The following CTNND2 variants were observed in gnomAD, a reference collection of about 807,000 sequenced individuals.
CTNND2 encodes catenin delta-2.
Under a neutral mutation model 144.4 loss-of-function variants are expected in CTNND2, and 22 were observed. The ratio of observed to expected loss-of-function variants is 0.15; its 90% CI spans 0.11 to 0.22. The LOEUF (loss-of-function observed/expected upper bound fraction) is 0.22, where lower values mean the gene tolerates loss of function less well. Ranked by LOEUF, CTNND2 falls within the 10% of genes least tolerant of loss-of-function variation. CTNND2 has a pLI of 1.00. For synonymous variants in CTNND2, 751 were observed against 695.6 expected, an observed-to-expected ratio of 1.08 and a Z score of -1.25; for missense variants, 1,353 against 1,618.8, an observed-to-expected ratio of 0.84 and a Z score of 2.82.
At chr5:11,249,185 C>G (rs1397089230) in intron 9 of CTNND2, among the ~76,000 whole-genome samples, 1 of 151,966 alleles carries the variant, frequency 6.6e-6, no homozygotes, top group Non-Finnish European at 1.5e-5. Context: ...GGGTTCATTT[C>G]CTGATAGGCC....
intron 11 of CTNND2, among the ~76,000 whole-genome samples, chr5:11,192,077 A>G (rs1459071378): frequency 6.6e-6 from 1 of 152,200 alleles, no homozygotes; most frequent in Non-Finnish European, 1.5e-5. Flanking sequence ...TCAAACCATG[A>G]TGCACCTGGA....
chr5:10,988,280 C>T lies in CTNND2; in HGVS notation c.3212-38G>A. ...ATCAAAAGGGGGATTTTCTGCATCTCATCCCACAGCGTGTGTGCCTTCCAC... is the reference window on the plus strand; with the variant it reads ...ATCAAAAGGGGGATTTTCTGCATCTTATCCCACAGCGTGTGTGCCTTCCAC... On this transcript the variant is annotated intron_variant, in intron 19 of 21. Coordinates refer to ENST00000304623, the MANE Select transcript of CTNND2 (RefSeq NM_001332.4). The surrounding 1 kb of genome is among the most constrained non-coding windows in gnomAD (Gnocchi z 5.9). 2 of 1,612,310 alleles carry T rather than the reference C, an allele frequency of 1.2e-6. No individual in the cohort carries two copies. The highest frequency in any genetic ancestry group is 8.5e-7 in the Non-Finnish European group (1 of 1,178,994).
At chr5:11,136,727 A>G (rs1358056369) in intron 12 of CTNND2, among the ~76,000 whole-genome samples, 3 of 152,212 alleles carry the variant, frequency 2.0e-5, no homozygotes, top group Non-Finnish European at 4.4e-5. Flanking sequence ...CATCTTCTCT[A>G]CCTTCTAGGG....
intron 1 of CTNND2, among the ~76,000 whole-genome samples, chr5:11,872,246 G>C (rs1735197943): frequency 6.6e-6 from 1 of 152,162 alleles, no homozygotes; most frequent in Non-Finnish European, 1.5e-5. Context: ...GTATTCCATG[G>C]TGTATACGTG....
At chr5:11,571,723 AC>A (rs898113778) in intron 2 of CTNND2, among the ~76,000 whole-genome samples, 1 of 151,782 alleles carries the variant, frequency 6.6e-6, no homozygotes, top group African/African-American at 2.4e-5. Flanking sequence ...GATTTAACTC[AC>A]CCCCCTGCTT....
intron 1 of CTNND2, among the ~76,000 whole-genome samples, chr5:11,801,704 G>A (rs528783842): frequency 1.5e-4 from 23 of 151,996 alleles, no homozygotes; most frequent in Non-Finnish European, 3.2e-4. Context: ...TTTACTCTAT[G>A]AGCATAAATA....
intron 3 of CTNND2, among the ~76,000 whole-genome samples, chr5:11,525,914 G>C (rs550371338): frequency 1.2e-4 from 18 of 152,116 alleles, no homozygotes; most frequent in African/African-American, 4.1e-4. Flanking sequence ...TTTTTTGTTT[G>C]TTCGTTTTGA....
chr5:11,839,463 G>A (rs539770106), intron 1 of CTNND2, among the ~76,000 whole-genome samples: 5 of 152,060 alleles, frequency 3.3e-5, no homozygotes, highest in African/African-American at 1.2e-4. Context: ...AACTATTGCT[G>A]TCTATCATGG....
chr5:11,362,265 C>A (rs769733976), intron 8 of CTNND2, among the ~76,000 whole-genome samples: 15 of 152,122 alleles, frequency 9.9e-5, no homozygotes, highest in Non-Finnish European at 2.2e-4. Context: ...TTGTAATCTC[C>A]ATTTTTATGG....
At chr5:11,608,057 T>A (rs1040168912) in intron 2 of CTNND2, among the ~76,000 whole-genome samples, 1 of 152,140 alleles carries the variant, frequency 6.6e-6, no homozygotes, top group Non-Finnish European at 1.5e-5. Flanking sequence ...CTGTGATGAT[T>A]AATACTGTCA....
At chr5:11,794,450 G>A (rs1336465273) in intron 1 of CTNND2, among the ~76,000 whole-genome samples, 2 of 152,150 alleles carry the variant, frequency 1.3e-5, no homozygotes, top group African/African-American at 2.4e-5. Context: ...AGATCAGAGC[G>A]GCCTTAGATC....
chr5:11,899,338 CTAATA>C, intron 1 of CTNND2, among the ~76,000 whole-genome samples: 1 of 152,202 alleles, frequency 6.6e-6, no homozygotes, highest in East Asian at 1.9e-4. Context: ...AATCAGGTGA[CTAATA>C]TAACACTAAT....
intron 6 of CTNND2, among the ~76,000 whole-genome samples, chr5:11,388,821 T>C (rs997341669): frequency 3.3e-5 from 5 of 152,238 alleles, no homozygotes; most frequent in Non-Finnish European, 5.9e-5. Flanking sequence ...ACATACAGAA[T>C]TGTATTCACT....
chr5:11,498,511 C>T (rs1008711524), intron 3 of CTNND2, among the ~76,000 whole-genome samples: 2 of 152,094 alleles, frequency 1.3e-5, no homozygotes, highest in Non-Finnish European at 2.9e-5. Flanking sequence ...CAATGTTCTG[C>T]AAAATTATTT....
chr5:11,143,944 C>T (rs531965109), intron 12 of CTNND2, among the ~76,000 whole-genome samples: 199 of 150,086 alleles, frequency 1.3e-3, no homozygotes, highest in Middle Eastern at 3.4e-3. Flanking sequence ...GGGGCTTGTC[C>T]CCAGGTCTGC....
chr5:11,726,832 A>C (rs915421921), intron 2 of CTNND2, among the ~76,000 whole-genome samples: 1 of 152,236 alleles, frequency 6.6e-6, no homozygotes, highest in African/African-American at 2.4e-5. Context: ...CAAATGAGTT[A>C]ATTCTTGGAA....
chr5:11,454,600 CTT>C (rs574100913), intron 3 of CTNND2, among the ~76,000 whole-genome samples: 4 of 145,156 alleles, frequency 2.8e-5, no homozygotes, highest in South Asian at 4.4e-4. Flanking sequence ...GTTTTTTTTC[CTT>C]TTTTTTTTTG....
chr5:11,081,178 G>A (rs1190010090), intron 16 of CTNND2, among the ~76,000 whole-genome samples: 5 of 152,090 alleles, frequency 3.3e-5, no homozygotes, highest in Non-Finnish European at 7.3e-5. Flanking sequence ...CTGAAGGTAA[G>A]AGGAATGGGG....
chr5:11,718,176 G>T (rs948024953), intron 2 of CTNND2, among the ~76,000 whole-genome samples: 1 of 152,068 alleles, frequency 6.6e-6, no homozygotes, highest in Non-Finnish European at 1.5e-5. Context: ...CAGGCACTAC[G>T]ACAGGCCCTT....
Sources: gnomAD v4.1 joint callset for allele counts (sites outside exome capture counted in the v4.1 genomes callset) on GRCh38, gnomAD v4.1.1 for gene constraint, Gnocchi (gnomAD v3.1) non-coding constraint, MANE v1.5 for transcripts, NCBI Gene and HGNC (gene_info 2026-07-23, HGNC 2026-07-21) for gene names.